The following NBEAL1 variants were observed in gnomAD, a reference collection of about 807,000 sequenced individuals.
NBEAL1 encodes the protein neurobeachin-like protein 1.
Under a neutral mutation model 351.3 loss-of-function variants are expected in NBEAL1, and 273 were observed. The observed-to-expected ratio is 0.78, with a 90% CI of 0.70 to 0.86. The LOEUF is 0.86. NBEAL1 is among the 40% of genes least tolerant of loss of function. NBEAL1 has a pLI of 0.00. For missense variants in NBEAL1, 2,961 were observed against 3,201.3 expected, an observed-to-expected ratio of 0.92 and a Z score of 1.81; for synonymous variants, 1,050 against 1,086.4, an observed-to-expected ratio of 0.97 and a Z score of 0.66.
At chr2:203,097,486 G>A in intron 10 of NBEAL1, 61 bp from the exon 11 acceptor site, 1 of 660,798 alleles carries the variant, frequency 1.5e-6, no homozygotes, top group Non-Finnish European at 1.9e-6. Context: ...AAGCTTCATT[G>A]CTGCTTATAG....
chr2:203,091,247 A>C (rs2062058644), intron 10 of NBEAL1, among the ~76,000 whole-genome samples: 1 of 152,152 alleles, frequency 6.6e-6, no homozygotes, highest in African/African-American at 2.4e-5. Context: ...TTTTTCTTCG[A>C]TGACTGCCTT....
chr2:203,108,142 A>G lies in NBEAL1; in HGVS notation c.1903A>G (p.Thr635Ala). Residue 635 changes from threonine to alanine, a missense_variant, in exon 14 of 56, where the codon ACT becomes GCT. Transcript: ENST00000683969. ...GTTTTGCTTAGACCAGGATCAGTTG[A>G]CTCTTGGCATTGCTAACAAAGGAGG... ...AWFCLDQDQL[T>A]LGIANKGGKR... 1 of 1,551,618 alleles carries G rather than the reference A, an allele frequency of 6.4e-7. No homozygotes were observed. The highest frequency in any genetic ancestry group is 8.7e-7 in the Non-Finnish European group (1 of 1,146,784).
chr2:203,050,373 G>A (rs1228584938), intron 4 of NBEAL1, among the ~76,000 whole-genome samples: 1 of 151,974 alleles, frequency 6.6e-6, no homozygotes, highest in Non-Finnish European at 1.5e-5. Flanking sequence ...GCACTTTTTG[G>A]AATAGGCTTG....
chr2:203,191,443 G>A, intron 46 of NBEAL1: 1 of 460,848 alleles, frequency 2.2e-6, no homozygotes, highest in Non-Finnish European at 3.9e-6. Context: ...TCTTCCTGAT[G>A]ACACACAGGT....
At chr2:203,148,473 C>T (rs886973368) in intron 33 of NBEAL1, among the ~76,000 whole-genome samples, 2 of 152,042 alleles carry the variant, frequency 1.3e-5, no homozygotes, top group Non-Finnish European at 2.9e-5. Context: ...TTAATGCTGT[C>T]ATTTTAGTTT....
Position 203,120,515 on chromosome 2 carries a change from C to G in NBEAL1, c.2593-1739C>G, listed in dbSNP as rs148635791. ...TTGTGTTTTAAAAGACAAGGTTGAG[C>G]AGGGATGCATGGTAAATATCACCTA... On this transcript the variant is annotated intron_variant, in intron 18 of 55. Coordinates refer to ENST00000683969, the MANE Select transcript of NBEAL1 (RefSeq NM_001378026.1). Among the ~76,000 whole-genome samples, 7 of 152,130 alleles carry G rather than the reference C, an allele frequency of 4.6e-5. No homozygotes were observed. The East Asian group carries it at 1.2e-3, about 25-fold the overall frequency.
intron 4 of NBEAL1, among the ~76,000 whole-genome samples, chr2:203,056,171 A>G (rs1369186551): frequency 2.0e-5 from 3 of 152,184 alleles, no homozygotes; most frequent in African/African-American, 7.2e-5. Flanking sequence ...GATATTTTCC[A>G]ATTTTCAATA....
chr2:203,050,865 C>G (rs964914214), intron 4 of NBEAL1, among the ~76,000 whole-genome samples: 2 of 152,126 alleles, frequency 1.3e-5, no homozygotes, highest in African/African-American at 4.8e-5. Context: ...ATTCAAGAAC[C>G]ATTGGTTTAG....
chr2:203,175,099 T>G, intron 41 of NBEAL1, 48 bp from the exon 42 acceptor site: 1 of 1,488,234 alleles, frequency 6.7e-7, no homozygotes, highest in Non-Finnish European at 9.3e-7. Flanking sequence ...TGCCCCCTTA[T>G]GTACTTTATT....
intron 54 of NBEAL1, 36 bp from the exon 55 acceptor site, chr2:203,213,482 G>A (rs372503785): frequency 2.1e-5 from 33 of 1,543,724 alleles, no homozygotes; most frequent in African/African-American, 1.2e-4. Context: ...TTATAAATCC[G>A]TGTAATTATG....
rs975180616 is a variant in NBEAL1, at chr2:203,069,598, G to A, written c.598+1123G>A. On this transcript the variant is annotated intron_variant, in intron 7 of 55. Coordinates refer to ENST00000683969, the MANE Select transcript of NBEAL1 (RefSeq NM_001378026.1). ...TGTCTCTTGTATATTTAGGTTGTGC[G>A]CATATTTTGTTAATTTATCCCAAAG... Among the ~76,000 whole-genome samples the A allele has an allele frequency of 9.2e-5, 14 of 152,162 alleles. 1 individual carries two copies. Among genetic ancestry groups the A allele is most frequent in the African/African-American group, 1.7e-4 (7 of 41,436 alleles).
Position 203,136,775 on chromosome 2 carries a change from G to A in NBEAL1, c.4565+1G>A, listed in dbSNP as rs531751889. ...GACCATCAGATGAAATAAAACTAAC[G>A]TAAGCATTTAGTTAGTGATTTTCCA... On this transcript the variant is annotated splice_donor_variant, in intron 29 of 55. Coordinates refer to ENST00000683969, the MANE Select transcript of NBEAL1 (RefSeq NM_001378026.1). LOFTEE classifies it high-confidence loss of function. 14 of 1,610,384 alleles carry A rather than the reference G, an allele frequency of 8.7e-6. No homozygotes were observed. Among genetic ancestry groups the A allele is most frequent in the African/African-American group, 5.3e-5 (4 of 74,950 alleles).
Position 203,188,544 on chromosome 2 carries a change from G to A in NBEAL1, c.6778G>A (p.Ala2260Thr). The change falls in exon 45 of 56, where the codon GCT (alanine) becomes ACT (threonine). Residue 2260 changes from alanine (A) to threonine (T), a missense_variant. Coordinates refer to ENST00000683969, the MANE Select transcript of NBEAL1 (RefSeq NM_001378026.1). Reference protein sequence around the residue: ...LIFGYKQRGPAAVEALNVFYY... With the variant: ...LIFGYKQRGPTAVEALNVFYY... Reference sequence around the variant, plus strand: ...CTTTGGCTATAAACAGAGGGGACCAGCTGCAGTAGAGGCACTCAACGTTTT... The same window carrying A: ...CTTTGGCTATAAACAGAGGGGACCAACTGCAGTAGAGGCACTCAACGTTTT... 1.2e-6 allele frequency: 2 copies of A among 1,609,964 alleles called. No homozygotes were observed. The highest frequency in any genetic ancestry group is 1.7e-6 in the Non-Finnish European group (2 of 1,178,150).
intron 6 of NBEAL1, 116 bp from the exon 7 acceptor site, chr2:203,068,277 A>G: frequency 2.0e-6 from 1 of 496,428 alleles, no homozygotes; most frequent in South Asian, 4.8e-5. Context: ...CTAGAGATAC[A>G]TAGTTCAAGA....
At chr2:203,146,666 A>T (rs1257713356) in intron 33 of NBEAL1, among the ~76,000 whole-genome samples, 1 of 152,010 alleles carries the variant, frequency 6.6e-6, no homozygotes. Context: ...GGTGGTACGC[A>T]CCTGTAGTCC....
In NBEAL1 at chr2:203,201,701, T is replaced by C; in HGVS notation, c.7397T>C (p.Ile2466Thr). ...ACAAAAGGCAAAATTATCTCACACA[T>C]CATCCGGCATATGGGTAAGCATTAG... ...SLTKGKIISH[I>T]IRHMDIVTCL... Residue 2466 changes from isoleucine to threonine, a missense_variant, in exon 50 of 56, where the codon ATC becomes ACC. Transcript: ENST00000683969. 1 of 1,599,012 alleles carries C rather than the reference T, an allele frequency of 6.3e-7. No homozygotes were observed. Among genetic ancestry groups the C allele is most frequent in the Non-Finnish European group, 8.5e-7 (1 of 1,172,168 alleles).
chr2:203,025,780 C>G (rs1318549655), intron 2 of NBEAL1, among the ~76,000 whole-genome samples: 2 of 152,128 alleles, frequency 1.3e-5, no homozygotes, highest in Admixed American at 1.3e-4. Context: ...CAAATATTGC[C>G]TGGTTTCTCT....
chr2:203,216,321 A>G (rs905584928), intron 55 of NBEAL1, among the ~76,000 whole-genome samples: 1 of 152,134 alleles, frequency 6.6e-6, no homozygotes, highest in Non-Finnish European at 1.5e-5. Flanking sequence ...GCCTTAAAAT[A>G]TTTTAAAATT....
rs768319620 is a variant in NBEAL1, at chr2:203,083,475, G to A, written c.941G>A (p.Arg314Lys). 3 of 1,551,726 alleles carry A rather than the reference G, an allele frequency of 1.9e-6. No homozygotes were observed. The highest frequency in any genetic ancestry group is 2.7e-5 in the African/African-American group (2 of 73,210). The change falls in exon 9 of 56, where the codon AGG becomes AAG. Residue 314 changes from arginine (R) to lysine (K), a missense_variant. Arg to Lys is a conservative substitution (Grantham distance 26, BLOSUM62 2). Transcript: ENST00000683969. ...CATTCAGCTTTACCTAATCAAAGGA[G>A]GTCCAGACAGTGGGAAAACCGATTT... ...SDHSALPNQRRSRQWENRFIA... is the reference protein window; with the variant it reads ...SDHSALPNQRKSRQWENRFIA...
Sources: gnomAD v4.1 joint callset for allele counts (sites outside exome capture counted in the v4.1 genomes callset) on GRCh38, gnomAD v4.1.1 for gene constraint, MANE v1.5 for transcripts, NCBI Gene and HGNC (gene_info 2026-07-23, HGNC 2026-07-21) for gene names.